MAP7D1: variants seen among roughly 807,000 people sequenced by gnomAD.
MAP7D1 encodes MAP7 domain containing 1.
A neutral mutation model predicts 97.5 loss-of-function variants in MAP7D1; 30 were observed. That is an observed-to-expected ratio of 0.31 (90% CI 0.23 to 0.42). The LOEUF (loss-of-function observed/expected upper bound fraction) is 0.42, where lower values mean the gene tolerates loss of function less well. Ranked by LOEUF, MAP7D1 falls within the 10% of genes least tolerant of loss-of-function variation. MAP7D1 has a pLI of 1.00. For missense variants in MAP7D1, 1,184 were observed against 1,179.5 expected, an observed-to-expected ratio of 1.00 and a Z score of -0.06; for synonymous variants, 536 against 477.1, an observed-to-expected ratio of 1.12 and a Z score of -1.61.
rs764457027 is a variant in MAP7D1 at position 36,179,689 on chromosome 1, C to G, written c.2251C>G (p.Arg751Gly). The G allele has an allele frequency of 6.6e-7, 1 of 1,524,606 alleles. No individual in the cohort carries two copies. The allele number at this position is 1,524,606 out of a possible 1,614,324, so 94.4% of individuals were successfully genotyped here. The change falls in exon 15 of 17, where the codon CGG (arginine) becomes GGG (glycine). Residue 751 changes from arginine to glycine, a missense_variant. Transcript: ENST00000474796. ...SPEPVKAVEA[R>G]SPGLQKEAVQ... ...AGAGCCTGTGAAAGCTGTGGAGGCT[C>G]GGTCCCCAGGGCTGCAGAAGGAGGC...
chr1:36,166,454 A>C (rs912223710), intron 1 of MAP7D1, among the ~76,000 whole-genome samples: 1 of 139,310 alleles, frequency 7.2e-6, no homozygotes, highest in Non-Finnish European at 1.5e-5. Context: ...CAGTGGCGCT[A>C]TCTTGGCTTA....
chr1:36,179,928 A>C lies in MAP7D1; in HGVS notation c.2373A>C (p.Pro791=). The change falls in exon 16 of 17, where the codon CCA becomes CCC. Residue 791 remains proline (P), a synonymous_variant. Transcript: ENST00000474796. ...TGGTGAATGGCCTGCAGCCTCTCCC[A>C]GCACACCAGGAGAATGGCTTCTCCA... The part of the protein sequence containing the change: ...ASLVNGLQPL[P]AHQENGFSTN... 6.2e-7 allele frequency: 1 copy of C among 1,614,148 alleles called. No homozygotes were observed.
chr1:36,180,369 G>T lies in MAP7D1; in HGVS notation c.*111G>T. The T allele has an allele frequency of 6.7e-7, 1 of 1,486,138 alleles. No individual in the cohort carries two copies. Among genetic ancestry groups the T allele is most frequent in the South Asian group, 1.1e-5 (1 of 88,278 alleles). 92.1% of individuals were successfully genotyped at this position (1,486,138 alleles called of 1,614,324 possible). Reference sequence around the variant, plus strand: ...AAGATGGAAGTGGCCTGGGCCCCTGGGGGTGGGTCCTCTCTGTTGTTTTTA... The same window carrying T: ...AAGATGGAAGTGGCCTGGGCCCCTGTGGGTGGGTCCTCTCTGTTGTTTTTA... On this transcript the variant is annotated 3_prime_UTR_variant, in exon 17 of 17. Transcript: ENST00000474796.
chr1:36,178,424 G>T lies in MAP7D1; in HGVS notation c.1714G>T (p.Ala572Ser). The T allele has an allele frequency of 2.5e-6, 4 of 1,609,906 alleles. No individual in the cohort carries two copies. Among genetic ancestry groups the T allele is most frequent in the Middle Eastern group, 3.8e-4 (2 of 5,296 alleles). Residue 572 changes from alanine to serine, a missense_variant, in exon 10 of 17, where the codon GCT becomes TCT. Coordinates refer to ENST00000474796, the MANE Select transcript of MAP7D1 (RefSeq NM_001388490.1). The part of the protein sequence containing the change: ...QPPAETPTDA[A>S]VLTSPPAPAP... ...GATCCCGGATCCCCCTCCAGACGCT[G>T]CTGTCTTGACCTCACCCCCAGCCCC...
intron 1 of MAP7D1, among the ~76,000 whole-genome samples, chr1:36,164,597 CT>C (rs1414193964): frequency 6.6e-6 from 1 of 152,038 alleles, no homozygotes; most frequent in African/African-American, 2.4e-5. Flanking sequence ...GTCAGTGTGG[CT>C]GGAGTTCAGA....
chr1:36,167,057 A>T (rs1263979075), intron 1 of MAP7D1, among the ~76,000 whole-genome samples: 1 of 152,198 alleles, frequency 6.6e-6, no homozygotes, highest in African/African-American at 2.4e-5. Context: ...CTAGACCTCA[A>T]GGGAGAGGCC....
In MAP7D1 at chr1:36,176,395, C is replaced by A; in HGVS notation, c.1047C>A (p.Pro349=). 6.5e-7 allele frequency: 1 copy of A among 1,530,580 alleles called. No homozygotes were observed. Among genetic ancestry groups the A allele is most frequent in the African/African-American group, 1.4e-5 (1 of 71,196 alleles). 94.8% of individuals were successfully genotyped at this position (1,530,580 alleles called of 1,614,324 possible). A position where few individuals can be genotyped will look rare whatever the true frequency, so the allele number is the denominator to read the frequency against. Residue 349 remains proline, a synonymous_variant, in exon 7 of 17, where the codon CCC becomes CCA. Coordinates refer to ENST00000474796, the MANE Select transcript of MAP7D1 (RefSeq NM_001388490.1). This position sits in a 1 kb window ranked among gnomAD's most constrained non-coding sequence, Gnocchi z 6.1. The stretch of plus-strand genomic sequence containing the variant: ...CCAGCCTGGCGCGCGGGCCGCAACC[C>A]GACCGCACTCATCCCTCTGCAGCCG... ...AGASLARGPQ[P]DRTHPSAAVP... is the part of the protein sequence containing the mutation.
chr1:36,158,848 C>T (rs925628778), intron 1 of MAP7D1, among the ~76,000 whole-genome samples: 4 of 152,252 alleles, frequency 2.6e-5, no homozygotes, highest in South Asian at 4.1e-4. Context: ...GTCTCCACTT[C>T]GTAACTTACC....
intron 1 of MAP7D1, among the ~76,000 whole-genome samples, chr1:36,164,631 G>A (rs1000845680): frequency 2.0e-5 from 3 of 152,176 alleles, no homozygotes; most frequent in African/African-American, 7.2e-5. Context: ...AGCAGGGTAG[G>A]AGAGGAGATC....
In MAP7D1 at chr1:36,178,907, G is replaced by C. The variant is rs1037130893; in HGVS notation, c.2026-14G>C. The stretch of plus-strand genomic sequence containing the variant: ...TGGAGTCAAGTGCCCCACGCTCATG[G>C]GGGTCTTTGGCAGAAAGAGGAGGCC... On this transcript the variant is annotated splice_polypyrimidine_tract_variant and intron_variant, in intron 11 of 16. Transcript: ENST00000474796. 9.0e-6 allele frequency: 14 copies of C among 1,552,292 alleles called. No individual in the cohort carries two copies. The highest frequency in any genetic ancestry group is 1.1e-5 in the Non-Finnish European group (13 of 1,147,668).
chr1:36,159,631 G>A lies in MAP7D1; in HGVS notation c.46+3168G>A, dbSNP rs978779607. Among the ~76,000 whole-genome samples the A allele has an allele frequency of 5.9e-5, 9 of 152,222 alleles. No individual in the cohort carries two copies. Among genetic ancestry groups the A allele is most frequent in the Admixed American group, 1.3e-4 (2 of 15,280 alleles). ...CCAGCTCGGTGTAGTCTATGTGGAC[G>A]GCAGAGAAGTGAATCAGACGGAGTT... is the stretch of plus-strand genomic sequence containing the variant. On this transcript the variant is annotated intron_variant, in intron 1 of 16. Transcript: ENST00000474796. This position sits in a 1 kb window ranked among gnomAD's most constrained non-coding sequence, Gnocchi z 5.4.
In MAP7D1 at chr1:36,178,622, G is replaced by A. The variant is rs755623050; in HGVS notation, c.1886+26G>A. The A allele has an allele frequency of 1.9e-6, 3 of 1,549,616 alleles. No individual in the cohort carries two copies. In the Admixed American group the frequency reaches 5.8e-5, roughly 30 times the overall value. ...GTGAGTGCGCCTCGGGGACTGAGGG[G>A]GCCCTCGTGGGCGCTGGAGAAGAAG... On this transcript the variant is annotated intron_variant, in intron 10 of 16. Coordinates refer to ENST00000474796, the MANE Select transcript of MAP7D1 (RefSeq NM_001388490.1).
At chr1:36,161,809 G>C (rs1054024587) in intron 1 of MAP7D1, among the ~76,000 whole-genome samples, 2 of 152,022 alleles carry the variant, frequency 1.3e-5, no homozygotes, top group Non-Finnish European at 2.9e-5. Flanking sequence ...GGGTACATCT[G>C]TGTGTCTCAG....
intron 6 of MAP7D1, among the ~76,000 whole-genome samples, chr1:36,175,920 T>G (rs1397923613): frequency 1.3e-5 from 2 of 152,218 alleles, no homozygotes; most frequent in Non-Finnish European, 2.9e-5. Flanking sequence ...CTCCTTCCTA[T>G]ATGCGCCGTT....
chr1:36,175,388 C>T (rs150587362), intron 6 of MAP7D1, among the ~76,000 whole-genome samples: 1 of 152,318 alleles, frequency 6.6e-6, no homozygotes, highest in Non-Finnish European at 1.5e-5. Context: ...ATGTGTCAGA[C>T]TGGCCTGGGT....
chr1:36,156,364 GGCCGCCGCCGCC>G lies in MAP7D1; in HGVS notation c.-45_-34del. 1 of 1,445,976 alleles carries G rather than the reference GGCCGCCGCCGCC, an allele frequency of 6.9e-7. No homozygotes were observed. The highest frequency in any genetic ancestry group is 9.1e-7 in the Non-Finnish European group (1 of 1,094,662). The allele number at this position is 1,445,976 out of a possible 1,614,324, so 89.6% of individuals were successfully genotyped here. ...CCGCGGGACCCCTGTCCTGGCCACT[GGCCGCCGCCGCC>G]GCCGCCGCTGAGACCCCGAGACCCC... is the stretch of plus-strand genomic sequence containing the variant. On this transcript the variant is annotated 5_prime_UTR_variant, in exon 1 of 17. Coordinates refer to ENST00000474796, the MANE Select transcript of MAP7D1 (RefSeq NM_001388490.1).
intron 8 of MAP7D1, chr1:36,177,503 G>T: frequency 6.0e-6 from 3 of 504,076 alleles, no homozygotes; most frequent in South Asian, 4.7e-5. Context: ...CAGCCTGGGG[G>T]TCAGCCAGAT....
intron 5 of MAP7D1, among the ~76,000 whole-genome samples, chr1:36,174,579 G>T (rs1167663050): frequency 1.3e-5 from 2 of 152,192 alleles, no homozygotes; most frequent in Non-Finnish European, 2.9e-5. Flanking sequence ...AATGCTGGGT[G>T]GTTATGGGGA....
At position 36,178,516 on chromosome 1, in the gene MAP7D1, C is replaced by G. The variant is rs1227148365; in HGVS notation, c.1806C>G (p.Leu602=). Residue 602 remains leucine (L), a synonymous_variant, in exon 10 of 17, where the codon CTC becomes CTG. Transcript: ENST00000474796. ...CAGACCGAGAAGAAGCCACTCGGCT[C>G]TTGGCTGAGAAGCGGCGCCAGGCCC... ...GTTDREEATR[L]LAEKRRQARE... 2 of 1,609,354 alleles carry G rather than the reference C, an allele frequency of 1.2e-6. No homozygotes were observed. Among genetic ancestry groups the G allele is most frequent in the Non-Finnish European group, 1.7e-6 (2 of 1,178,204 alleles).
Sources: allele counts gnomAD v4.1 joint callset (sites outside exome capture counted in the v4.1 genomes callset), GRCh38; gene constraint gnomAD v4.1.1; non-coding constraint Gnocchi (gnomAD v3.1); transcripts MANE v1.5; gene names NCBI Gene and HGNC (gene_info 2026-07-23, HGNC 2026-07-21).